Variants in ADGRF3 observed in about 807,000 individuals in gnomAD.
ADGRF3 encodes G protein-coupled receptor 113.
ADGRF3 carries 85 observed loss-of-function variants against 93.2 expected under a neutral mutation model. The ratio of observed to expected loss-of-function variants is 0.91; its 90% CI spans 0.77 to 1.09. The LOEUF is 1.09. ADGRF3 is among the 50% of genes least tolerant of loss of function. The probability of loss-of-function intolerance (pLI) is 0.00; values close to 1 mark genes in which losing one functional copy is unlikely to be tolerated. For synonymous variants in ADGRF3, 534 were observed against 532.5 expected (o/e 1.00, Z -0.04); for missense variants, 1,125 against 1,246.2 (o/e 0.90, Z 1.46).
chr2:26,320,196 A>G (rs1047599680), intron 1 of ADGRF3, among the ~76,000 whole-genome samples: 1 of 152,208 alleles, frequency 6.6e-6, no homozygotes, highest in Non-Finnish European at 1.5e-5. Flanking sequence ...TGAAGAAGGA[A>G]TAGAAATAGT....
intron 1 of ADGRF3, among the ~76,000 whole-genome samples, chr2:26,334,894 G>A (rs562594546): frequency 3.9e-5 from 6 of 152,200 alleles, no homozygotes; most frequent in East Asian, 1.9e-4. Flanking sequence ...TAAAAACACC[G>A]AATTCATGAC....
At chr2:26,313,315 G>A in intron 8 of ADGRF3, 62 bp downstream of exon 8, 2 of 1,470,382 alleles carry the variant, frequency 1.4e-6, no homozygotes, top group East Asian at 2.4e-5. Flanking sequence ...TGCAAGCTGG[G>A]TCCTAGAGAG....
intron 1 of ADGRF3, among the ~76,000 whole-genome samples, chr2:26,334,956 G>A (rs569278832): frequency 6.6e-6 from 1 of 152,082 alleles, no homozygotes; most frequent in Non-Finnish European, 1.5e-5. Flanking sequence ...AGTTGTAACA[G>A]GTATGCATAT....
Position 26,315,714 on chromosome 2 carries a change from G to A in ADGRF3, c.526C>T (p.Gln176Ter), listed in dbSNP as rs1401540051. Residue 176 changes from glutamine (Q) to a stop codon, truncating the protein, a stop_gained, in exon 5 of 14, where the codon CAG becomes TAG. Coordinates refer to ENST00000651242, the MANE Select transcript of ADGRF3 (RefSeq NM_001321971.2). LOFTEE classifies it high-confidence loss of function. Reference protein sequence around the residue: ...PVPGILNLNSQLQMPGDTLSL... With the variant: ...PVPGILNLNS ...AGCGTGTCACCAGGCATCTGCAGCT[G>A]GGAGTTCAGGTTGAGGATCCCGGGG... is the stretch of plus-strand genomic sequence containing the variant. The A allele has an allele frequency of 1.9e-6, 3 of 1,551,512 alleles. No individual in the cohort carries two copies. The highest frequency in any genetic ancestry group is 2.4e-5 in the South Asian group (2 of 84,052).
At chr2:26,338,619 C>A (rs563167086) in intron 1 of ADGRF3, among the ~76,000 whole-genome samples, 1 of 152,200 alleles carries the variant, frequency 6.6e-6, no homozygotes, top group South Asian at 2.1e-4. Context: ...TGTGCCACCA[C>A]GCCCGGCTAA....
At chr2:26,319,130 G>C in intron 1 of ADGRF3, 2 of 1,424,530 alleles carry the variant, frequency 1.4e-6, no homozygotes, top group Non-Finnish European at 1.9e-6. Context: ...CAGATGGGAT[G>C]GGAGGGAAGA....
At chr2:26,345,492 G>A (rs1465776680) in intron 1 of ADGRF3, among the ~76,000 whole-genome samples, 2 of 152,174 alleles carry the variant, frequency 1.3e-5, no homozygotes, top group Admixed American at 1.3e-4. Context: ...AGACCTGAGG[G>A]GCTTGTCTCC....
At position 26,311,629 on chromosome 2, in the gene ADGRF3, C is replaced by T; in HGVS notation, c.1895G>A (p.Gly632Glu). 6.2e-7 allele frequency: 1 copy of T among 1,613,608 alleles called. No individual in the cohort carries two copies. The highest frequency in any genetic ancestry group is 8.5e-7 in the Non-Finnish European group (1 of 1,179,896). Reference protein sequence around the residue: ...IMAGDRAFSQGEVIMDFGNTD... With the variant: ...IMAGDRAFSQEEVIMDFGNTD... Reference sequence around the variant, plus strand: ...GTTCCCAAAGTCCATGATGACCTCTCCCTGGCTGAAGGCCCGGTCACCTGC... The same window carrying T: ...GTTCCCAAAGTCCATGATGACCTCTTCCTGGCTGAAGGCCCGGTCACCTGC... The change falls in exon 10 of 14, where the codon GGA (glycine) becomes GAA (glutamate). Residue 632 changes from glycine to glutamate, a missense_variant. Coordinates refer to ENST00000651242, the MANE Select transcript of ADGRF3 (RefSeq NM_001321971.2).
At chr2:26,333,235 G>A (rs1163920685) in intron 1 of ADGRF3, among the ~76,000 whole-genome samples, 1 of 151,644 alleles carries the variant, frequency 6.6e-6, no homozygotes, top group Non-Finnish European at 1.5e-5. Context: ...GTTTTTCTTA[G>A]AACACTCAAG....
intron 1 of ADGRF3, among the ~76,000 whole-genome samples, chr2:26,328,568 C>G (rs1053286936): frequency 2.6e-5 from 4 of 152,070 alleles, no homozygotes; most frequent in African/African-American, 9.6e-5. Flanking sequence ...ATTCTCCTGC[C>G]TCAGCCTCCT....
intron 1 of ADGRF3, among the ~76,000 whole-genome samples, chr2:26,342,310 T>A (rs946902524): frequency 2.0e-5 from 3 of 152,134 alleles, no homozygotes; most frequent in African/African-American, 7.2e-5. Flanking sequence ...AGAACCAGAG[T>A]TTATGTGTAT....
At chr2:26,335,299 CATTTGTGTCTG>C (rs1191043472) in intron 1 of ADGRF3, among the ~76,000 whole-genome samples, 1 of 152,166 alleles carries the variant, frequency 6.6e-6, no homozygotes, top group African/African-American at 2.4e-5. Context: ...ACTATATGGC[CATTTGTGTCTG>C]GCTTCTTTCA....
At position 26,311,172 on chromosome 2, in the gene ADGRF3, G is replaced by T. The variant is rs1302800544; in HGVS notation, c.2352C>A (p.Tyr784Ter). The T allele has an allele frequency of 3.8e-6, 6 of 1,597,752 alleles. No homozygotes were observed. Among genetic ancestry groups the T allele is most frequent in the Non-Finnish European group, 5.1e-6 (6 of 1,172,582 alleles). The change falls in exon 10 of 14, where the codon TAC becomes TAA. Residue 784 changes from tyrosine (Y) to a stop codon, truncating the protein, a stop_gained. Coordinates refer to ENST00000651242, the MANE Select transcript of ADGRF3 (RefSeq NM_001321971.2). LOFTEE classifies it high-confidence loss of function. ...CCAGCATCCAGAAAAAGGTGGCCAGGTAGAGGAAATGACAGAGGAAGGCGG... is the reference window on the plus strand; with the variant it reads ...CCAGCATCCAGAAAAAGGTGGCCAGTTAGAGGAAATGACAGAGGAAGGCGG... Reference protein sequence around the residue: ...LAAAFLCHFLYLATFFWMLAQ... With the variant: ...LAAAFLCHFL
In ADGRF3 at chr2:26,310,939, A is replaced by G; in HGVS notation, c.2585T>C (p.Val862Ala). The G allele has an allele frequency of 6.2e-7, 1 of 1,613,580 alleles. No homozygotes were observed. Among genetic ancestry groups the G allele is most frequent in the South Asian group, 1.1e-5 (1 of 91,006 alleles). The change falls in exon 10 of 14, where the codon GTG (valine) becomes GCG (alanine). Residue 862 changes from valine to alanine, a missense_variant. Val to Ala is a moderately conservative substitution (Grantham distance 64). Coordinates refer to ENST00000651242, the MANE Select transcript of ADGRF3 (RefSeq NM_001321971.2). ...DGKGGALYTFVGPVLAIIGVN... is the reference protein window; with the variant it reads ...DGKGGALYTFAGPVLAIIGVN... ...GCCTATGATGGCCAGCACTGGCCCCACGAAGGTGTATAACGCCCCTCCCTT... is the reference window on the plus strand; with the variant it reads ...GCCTATGATGGCCAGCACTGGCCCCGCGAAGGTGTATAACGCCCCTCCCTT...
chr2:26,319,561 C>CCCTCCCTCCCTCCCTCCCTCCCTT (rs1553330662), intron 1 of ADGRF3, among the ~76,000 whole-genome samples: 1 of 36,502 alleles, frequency 2.7e-5, no homozygotes, highest in African/African-American at 6.7e-5. Context: ...CTCCCTCCCT[C>CCCTCCCTCCCTCCCTCCCTCCCTT]CCTCCCTTCC....
Position 26,346,435 on chromosome 2 carries a change from G to A in ADGRF3, c.-201C>T. 1.0e-6 allele frequency: 1 copy of A among 981,996 alleles called. No homozygotes were observed. Among genetic ancestry groups the A allele is most frequent in the Non-Finnish European group, 1.4e-6 (1 of 703,628 alleles). The allele number at this position is 981,996 out of a possible 1,614,324, so 60.8% of individuals were successfully genotyped here. Reference sequence around the variant, plus strand: ...TTCCTCCGGAGGTCCTGCGGGTCCTGGGGATTGGGGGTCGGGGAGCGTGGG... The same window carrying A: ...TTCCTCCGGAGGTCCTGCGGGTCCTAGGGATTGGGGGTCGGGGAGCGTGGG... On this transcript the variant is annotated 5_prime_UTR_variant, in exon 1 of 14. An upstream open reading frame in the 5' UTR gains an earlier in-frame stop. Transcript: ENST00000651242.
chr2:26,312,840 C>G (rs1049142453), intron 9 of ADGRF3, 103 bp downstream of exon 9: 6 of 1,109,120 alleles, frequency 5.4e-6, no homozygotes, highest in Non-Finnish European at 7.7e-6. Context: ...GGTCTGCTGC[C>G]CAACAGCCCA....
intron 1 of ADGRF3, chr2:26,318,096 G>A (rs1176018269): frequency 6.5e-7 from 1 of 1,549,642 alleles, no homozygotes; most frequent in African/African-American, 1.4e-5. Context: ...AGAAGATAGG[G>A]GGATGGGGCA....
In ADGRF3 at chr2:26,346,127, G is replaced by C. The variant is rs567060783; in HGVS notation, c.108C>G (p.Pro36=). The change falls in exon 1 of 14, where the codon CCC becomes CCG. Residue 36 remains proline, a synonymous_variant. Transcript: ENST00000651242. ...GWARMAKTGL[P]EKGQSQAGGE... ...CGGAGCGCGGCTCTCCTACCTTCTC[G>C]GGCAGCCCAGTCTTTGCCATCCTTG... 67 of 1,590,850 alleles carry C rather than the reference G, an allele frequency of 4.2e-5. No individual in the cohort carries two copies. Among genetic ancestry groups the C allele is most frequent in the Middle Eastern group, 3.3e-4 (2 of 6,052 alleles).
Sources: gnomAD v4.1 joint callset for allele counts (sites outside exome capture counted in the v4.1 genomes callset) on GRCh38, gnomAD v4.1.1 for gene constraint, MANE v1.5 for transcripts, NCBI Gene and HGNC (gene_info 2026-07-23, HGNC 2026-07-21) for gene names.